Variants in BACH1 observed in about 807,000 individuals in gnomAD.
BACH1 encodes transcription regulator protein BACH1.
In BACH1, 35 loss-of-function variants were observed where a neutral mutation model predicts 52.9. The observed-to-expected ratio is 0.66, with a 90% confidence interval of 0.51 to 0.88. BACH1 has a LOEUF of 0.88. BACH1 is among the 40% of genes least tolerant of loss of function. The pLI, the probability that BACH1 is intolerant of heterozygous loss-of-function variation, is 0.00. For synonymous variants in BACH1, 321 were observed against 319.6 expected, an observed-to-expected ratio of 1.00 and a Z score of -0.05; for missense variants, 808 against 872.6, an observed-to-expected ratio of 0.93 and a Z score of 0.93.
chr21:29,309,121 G>A (rs918282241), intron 1 of BACH1, among the ~76,000 whole-genome samples: 5 of 152,064 alleles, frequency 3.3e-5, no homozygotes, highest in Non-Finnish European at 7.4e-5. Context: ...ATCTGGGCGT[G>A]GTGATGCTCG....
Position 29,358,802 on chromosome 21 carries a change from GAAAGAA to G in BACH1, c.472+29111_472+29116del, listed in dbSNP as rs994878354. 3.9e-4 allele frequency among the ~76,000 whole-genome samples: 50 copies of G among 129,648 alleles called. 1 individual carries two copies. Among genetic ancestry groups the G allele is most frequent in the South Asian group, 2.5e-4 (1 of 4,010 alleles). 85.1% of individuals were successfully genotyped at this position (129,648 alleles called of 152,430 possible). ...AGAAAGAAAGAAAGAAAGAAAGAAAGAAAGAAAGAAAGAAGAAAGAAAGAAATGTAA... is the reference window on the plus strand; with the variant it reads ...AGAAAGAAAGAAAGAAAGAAAGAAAGAGAAAGAAGAAAGAAAGAAATGTAA... On this transcript the variant is annotated intron_variant, in intron 2 of 4. Coordinates refer to the BACH1 transcript ENST00000422809.
chr21:29,358,368 CA>C lies in BACH1; in HGVS notation c.472+28676del, dbSNP rs1555888538. On this transcript the variant is annotated intron_variant, in intron 2 of 4. Transcript: ENST00000422809. ...AGAGAAAACAGGAGCACTCAATAAC[CA>C]GGAACTCAGGGACTTTGGAGGCAAC... Among the ~76,000 whole-genome samples the C allele has an allele frequency of 5.3e-5, 8 of 152,188 alleles. 1 individual carries two copies. The highest frequency in any genetic ancestry group is 1.5e-5 in the Non-Finnish European group (1 of 68,032).
Position 29,342,159 on chromosome 21 carries a change from G to C in BACH1, c.1777-240G>C, listed in dbSNP as rs542952392. 1.2e-3 allele frequency among the ~76,000 whole-genome samples: 179 copies of C among 152,280 alleles called. 1 individual carries two copies. The highest frequency in any genetic ancestry group is 4.2e-3 in the African/African-American group (174 of 41,554). ...CAGGCCTGCTAGAGAAATTATGTGT[G>C]CACCCATACTGTCTTTCCAAAACCT... is the stretch of plus-strand genomic sequence containing the variant. On this transcript the variant is annotated intron_variant, in intron 4 of 4. Coordinates refer to ENST00000286800, the MANE Select transcript of BACH1 (RefSeq NM_001186.4).
chr21:29,357,801 G>A lies in BACH1; in HGVS notation c.472+28108G>A, dbSNP rs562229639. 7.9e-5 allele frequency among the ~76,000 whole-genome samples: 12 copies of A among 152,326 alleles called. No individual in the cohort carries two copies. In the East Asian group the frequency reaches 2.3e-3, roughly 29 times the overall value. ...TCATCCTGTGGGAAGGCTTAAGGCTGGAGCTTGAGTTTGTTCCTTCCAATG... is the reference window on the plus strand; with the variant it reads ...TCATCCTGTGGGAAGGCTTAAGGCTAGAGCTTGAGTTTGTTCCTTCCAATG... On this transcript the variant is annotated intron_variant, in intron 2 of 4. Coordinates refer to the BACH1 transcript ENST00000422809.
At chr21:29,315,799 A>G (rs1046518120) in intron 1 of BACH1, among the ~76,000 whole-genome samples, 3 of 152,174 alleles carry the variant, frequency 2.0e-5, no homozygotes, top group Non-Finnish European at 4.4e-5. Flanking sequence ...TATAATGATC[A>G]TTATTATCTT....
chr21:29,299,234 C>A (rs546101253), intron 1 of BACH1, among the ~76,000 whole-genome samples: 1 of 151,646 alleles, frequency 6.6e-6, no homozygotes, highest in Non-Finnish European at 1.5e-5. Context: ...GCGCGCCGTA[C>A]TTTACCCGGG....
intron 4 of BACH1, among the ~76,000 whole-genome samples, chr21:29,333,084 A>G (rs555658158): frequency 9.8e-5 from 15 of 152,350 alleles, no homozygotes; most frequent in African/African-American, 2.9e-4. Flanking sequence ...CGTGAGGGGT[A>G]CATTACAAAT....
chr21:29,328,715 C>G (rs1351101946), intron 3 of BACH1, among the ~76,000 whole-genome samples: 1 of 152,140 alleles, frequency 6.6e-6, no homozygotes, highest in Non-Finnish European at 1.5e-5. Context: ...TTCCCTCTCC[C>G]TAGCCCCTGG....
At chr21:29,308,104 A>G (rs1025246757) in intron 1 of BACH1, among the ~76,000 whole-genome samples, 9 of 152,190 alleles carry the variant, frequency 5.9e-5, no homozygotes, top group African/African-American at 2.2e-4. Flanking sequence ...AAACTGAGCT[A>G]TATTTCAGCT....
rs1268843355 is a variant in BACH1, at chr21:29,321,412, G to T, written c.132G>T (p.Arg44=). 6.2e-7 allele frequency: 1 copy of T among 1,614,098 alleles called. No individual in the cohort carries two copies. Among genetic ancestry groups the T allele is most frequent in the Non-Finnish European group, 8.5e-7 (1 of 1,180,052 alleles). ...TCACCATCTTTGTGGAGGGACAGCG[G>T]TTCCGCGCTCACCGGTCCGTGCTGG... The part of the protein sequence containing the change: ...CDVTIFVEGQ[R]FRAHRSVLAA... Residue 44 remains arginine, a synonymous_variant, in exon 2 of 5, where the codon CGG becomes CGT. Transcript: ENST00000286800.
chr21:29,361,102 A>G (rs895318484), intron 2 of BACH1: 3 of 152,250 alleles, frequency 2.0e-5, no homozygotes, highest in Admixed American at 6.5e-5. Flanking sequence ...TGGCTGGAAC[A>G]TAGTAGGGTC....
chr21:29,312,284 A>G (rs111761258), intron 1 of BACH1, among the ~76,000 whole-genome samples: 7 of 151,960 alleles, frequency 4.6e-5, no homozygotes, highest in African/African-American at 1.7e-4. Flanking sequence ...GATAGTAACA[A>G]TTGCACCCGC....
chr21:29,348,978 C>G (rs2089187224), downstream of BACH1, among the ~76,000 whole-genome samples: 1 of 151,926 alleles, frequency 6.6e-6, no homozygotes, highest in African/African-American at 2.4e-5. Context: ...CCTGTAGTCC[C>G]AGCTACTCAG....
chr21:29,307,739 A>G (rs1206192735), intron 1 of BACH1, among the ~76,000 whole-genome samples: 2 of 152,194 alleles, frequency 1.3e-5, no homozygotes, highest in African/African-American at 4.8e-5. Context: ...TCCCCTGTAG[A>G]TAAGGGGGAC....
chr21:29,314,059 G>A (rs2088759125), intron 1 of BACH1, among the ~76,000 whole-genome samples: 1 of 152,196 alleles, frequency 6.6e-6, no homozygotes, highest in African/African-American at 2.4e-5. Flanking sequence ...CTTTATTGAT[G>A]TGGACCAATT....
intron 4 of BACH1, among the ~76,000 whole-genome samples, chr21:29,331,545 T>C (rs912869109): frequency 7.2e-5 from 11 of 152,208 alleles, no homozygotes; most frequent in African/African-American, 2.7e-4. Context: ...ATTATTGATA[T>C]TGCTACTAAA....
chr21:29,348,528 C>T (rs1373073865), downstream of BACH1, among the ~76,000 whole-genome samples: 1 of 152,060 alleles, frequency 6.6e-6, no homozygotes, highest in African/African-American at 2.4e-5. Flanking sequence ...ACTCACAACT[C>T]GTGATCCTAA....
In BACH1 at chr21:29,329,625, G is replaced by T; in HGVS notation, c.1708G>T (p.Ala570Ser). 6.2e-7 allele frequency: 1 copy of T among 1,603,802 alleles called. No homozygotes were observed. Residue 570 changes from alanine to serine, a missense_variant, in exon 4 of 5, where the codon GCT becomes TCT. By Grantham distance (99) the Ala-to-Ser change is moderately conservative (BLOSUM62 1). Coordinates refer to ENST00000286800, the MANE Select transcript of BACH1 (RefSeq NM_001186.4). ...DIRRRSKNRI[A>S]AQRCRKRKLD... ...TCGAAGAAGAAGTAAAAACAGAATT[G>T]CTGCACAGCGCTGTCGCAAGAGAAA...
At chr21:29,304,814 A>G (rs1286623274) in intron 1 of BACH1, among the ~76,000 whole-genome samples, 1 of 152,218 alleles carries the variant, frequency 6.6e-6, no homozygotes, top group Non-Finnish European at 1.5e-5. Flanking sequence ...ATATCTTCAC[A>G]TGCTTATTGC....
Sources: gnomAD v4.1 joint callset for allele counts (sites outside exome capture counted in the v4.1 genomes callset) on GRCh38, gnomAD v4.1.1 for gene constraint, MANE v1.5 for transcripts, NCBI Gene and HGNC (gene_info 2026-07-23, HGNC 2026-07-21) for gene names.